Variants in RBMS3 observed in about 807,000 individuals in gnomAD.
The protein encoded by RBMS3 is RNA-binding motif, single-stranded-interacting protein 3.
A neutral mutation model predicts 66.8 loss-of-function variants in RBMS3; 27 were observed. That is an observed-to-expected ratio of 0.40 (90% confidence interval 0.30 to 0.56). RBMS3 has a LOEUF of 0.56. Ranked by LOEUF, RBMS3 falls within the 20% of genes least tolerant of loss-of-function variation. RBMS3 has a pLI of 0.40. For synonymous variants in RBMS3, 188 were observed against 183.0 expected, an observed-to-expected ratio of 1.03 and a Z score of -0.22; for missense variants, 513 against 549.5, an observed-to-expected ratio of 0.93 and a Z score of 0.66.
At chr3:29,587,668 T>C (rs189624151) in intron 4 of RBMS3, among the ~76,000 whole-genome samples, 8 of 152,058 alleles carry the variant, frequency 5.3e-5, no homozygotes, top group Non-Finnish European at 8.8e-5. Flanking sequence ...GTGTGTTCTC[T>C]TAGCTGGGGA....
At chr3:29,875,154 G>T (rs750616691) in intron 7 of RBMS3, among the ~76,000 whole-genome samples, 3 of 152,160 alleles carry the variant, frequency 2.0e-5, no homozygotes, top group Non-Finnish European at 4.4e-5. Context: ...TACCAACTGG[G>T]AGATTTCTGG....
chr3:29,406,609 T>C (rs2040024822), intron 1 of RBMS3, among the ~76,000 whole-genome samples: 1 of 152,208 alleles, frequency 6.6e-6, no homozygotes, highest in African/African-American at 2.4e-5. Context: ...TTTGAGCAAA[T>C]ATTTATAGCA....
intron 4 of RBMS3, among the ~76,000 whole-genome samples, chr3:29,706,406 A>G (rs900612680): frequency 1.3e-5 from 2 of 152,190 alleles, no homozygotes; most frequent in Admixed American, 6.5e-5. Context: ...ATCCAAAGTG[A>G]CACATAATCA....
At chr3:29,877,622 A>G (rs1210631844) in intron 7 of RBMS3, among the ~76,000 whole-genome samples, 1 of 152,138 alleles carries the variant, frequency 6.6e-6, no homozygotes, top group African/African-American at 2.4e-5. Flanking sequence ...CAAGAGAGCA[A>G]ATAACTGCAC....
chr3:29,440,149 C>T (rs1158980058), intron 2 of RBMS3, among the ~76,000 whole-genome samples: 1 of 151,934 alleles, frequency 6.6e-6, no homozygotes, highest in African/African-American at 2.4e-5. Context: ...TTAAATTGTT[C>T]CTAAAAAATA....
At chr3:29,308,206 A>G in intron 1 of RBMS3, among the ~76,000 whole-genome samples, 1 of 151,932 alleles carries the variant, frequency 6.6e-6, no homozygotes, top group South Asian at 2.1e-4. Flanking sequence ...CTTCTCATAG[A>G]GTTACAAACT....
chr3:29,906,543 A>G (rs1172356185), intron 10 of RBMS3, among the ~76,000 whole-genome samples: 1 of 152,180 alleles, frequency 6.6e-6, no homozygotes, highest in East Asian at 1.9e-4. Flanking sequence ...AACACATGAA[A>G]TAAATATTCT....
intron 8 of RBMS3, among the ~76,000 whole-genome samples, chr3:29,887,569 T>A (rs1366194046): frequency 2.0e-5 from 3 of 151,794 alleles, no homozygotes; most frequent in East Asian, 1.9e-4. Flanking sequence ...CGTGCTGAAC[T>A]GTGAGTCAAT....
intron 2 of RBMS3, among the ~76,000 whole-genome samples, chr3:29,443,892 C>A (rs2041720169): frequency 2.0e-5 from 3 of 152,082 alleles, no homozygotes; most frequent in South Asian, 2.1e-4. Flanking sequence ...CGCCTTAACT[C>A]TTAGCTTGAG....
chr3:29,502,175 T>C (rs2044000549), intron 3 of RBMS3, among the ~76,000 whole-genome samples: 2 of 152,120 alleles, frequency 1.3e-5, no homozygotes, highest in Admixed American at 6.6e-5. Context: ...TGCTTGGCCA[T>C]TGAAGACATG....
intron 6 of RBMS3, among the ~76,000 whole-genome samples, chr3:29,793,702 T>A (rs775103434): frequency 2.6e-5 from 4 of 152,274 alleles, no homozygotes; most frequent in Non-Finnish European, 4.4e-5. Context: ...TTGCATTCTA[T>A]GAAGCTTAGC....
At chr3:29,622,597 G>A (rs77136079) in intron 4 of RBMS3, among the ~76,000 whole-genome samples, 209 of 152,264 alleles carry the variant, frequency 1.4e-3, no homozygotes, top group African/African-American at 4.9e-3. Flanking sequence ...CTATATAGTG[G>A]TAGCATCTAT....
chr3:29,936,605 CTA>C (rs2149689581), intron 11 of RBMS3, among the ~76,000 whole-genome samples: 4 of 152,178 alleles, frequency 2.6e-5, no homozygotes, highest in African/African-American at 9.6e-5. Flanking sequence ...GGGGCCAGAT[CTA>C]TGACTGATAC....
chr3:29,563,002 A>G lies in RBMS3; in HGVS notation c.308-24112A>G, dbSNP rs150525943. ...AAGCATAGAAGGAAAAAAAAGGCAG[A>G]AAGAGGCAAAGTTATGGGGTTTATA... On this transcript the variant is annotated intron_variant, in intron 3 of 14. Transcript: ENST00000383767. Among the ~76,000 whole-genome samples the G allele has an allele frequency of 6.1e-3, 922 of 152,312 alleles. 24 individuals carry two copies. The South Asian group carries it at 0.079, about 13-fold the overall frequency.
At chr3:29,361,465 C>T (rs976623590) in intron 1 of RBMS3, among the ~76,000 whole-genome samples, 5 of 152,208 alleles carry the variant, frequency 3.3e-5, no homozygotes, top group African/African-American at 9.6e-5. Flanking sequence ...ACCTTTCTCT[C>T]TGTCTGCCCT....
chr3:29,635,424 A>C (rs2049439366), intron 4 of RBMS3, among the ~76,000 whole-genome samples: 1 of 151,790 alleles, frequency 6.6e-6, no homozygotes, highest in African/African-American at 2.4e-5. Context: ...CCCTGACCGA[A>C]TCCATTAGGA....
chr3:29,966,188 G>T (rs1258450723), intron 12 of RBMS3, among the ~76,000 whole-genome samples: 2 of 151,900 alleles, frequency 1.3e-5, no homozygotes, highest in Non-Finnish European at 2.9e-5. Flanking sequence ...TTTTGCTTTG[G>T]CTATATGGGC....
chr3:29,419,508 A>G (rs1484625026), intron 1 of RBMS3, among the ~76,000 whole-genome samples: 1 of 152,192 alleles, frequency 6.6e-6, no homozygotes, highest in Non-Finnish European at 1.5e-5. Flanking sequence ...TTCTCTAATT[A>G]GATCTCTTCT....
intron 9 of RBMS3, among the ~76,000 whole-genome samples, chr3:29,899,065 A>T (rs940615379): frequency 1.3e-5 from 2 of 151,680 alleles, no homozygotes; most frequent in African/African-American, 4.8e-5. Flanking sequence ...CATTCAGCTT[A>T]TACAGGCTGA....
Sources: allele counts gnomAD v4.1 joint callset (sites outside exome capture counted in the v4.1 genomes callset), GRCh38; gene constraint gnomAD v4.1.1; transcripts MANE v1.5; gene names NCBI Gene and HGNC (gene_info 2026-07-23, HGNC 2026-07-21).